Variants in KDM4C observed in about 807,000 individuals in gnomAD.
KDM4C encodes the protein lysine-specific demethylase 4C.
In KDM4C, 81 loss-of-function variants were observed where a neutral mutation model predicts 129.3. The observed-to-expected ratio is 0.63, with a 90% confidence interval of 0.52 to 0.75. The LOEUF (loss-of-function observed/expected upper bound fraction) is 0.75, where lower values mean the gene tolerates loss of function less well. Ranked by LOEUF, KDM4C falls within the 30% of genes least tolerant of loss-of-function variation. The pLI is 0.00. For synonymous variants in KDM4C, 573 were observed against 456.1 expected, an observed-to-expected ratio of 1.26 and a Z score of -3.26; for missense variants, 1,457 against 1,304.0, an observed-to-expected ratio of 1.12 and a Z score of -1.81.
intron 11 of KDM4C, among the ~76,000 whole-genome samples, chr9:6,988,991 C>T (rs181167449): frequency 1.3e-5 from 2 of 152,098 alleles, no homozygotes; most frequent in Non-Finnish European, 2.9e-5. Context: ...TTCCCTTACC[C>T]CTCTATAATC....
In KDM4C at chr9:6,849,558, G is replaced by A. The variant is rs1195814967; in HGVS notation, c.487G>A (p.Glu163Lys). The A allele has an allele frequency of 6.2e-7, 1 of 1,613,354 alleles. No homozygotes were observed. Among genetic ancestry groups the A allele is most frequent in the Non-Finnish European group, 8.5e-7 (1 of 1,179,546 alleles). ...CCTCAATACAGTCTTGGATGTGGTT[G>A]AAGAAGAGTGTGGCATTTCTATTGA... Reference protein sequence around the residue: ...ARLNTVLDVVEEECGISIEGV... With the variant: ...ARLNTVLDVVKEECGISIEGV... Residue 163 changes from glutamate to lysine, a missense_variant, in exon 5 of 22, where the codon GAA (glutamate) becomes AAA (lysine). Transcript: ENST00000381309.
intron 17 of KDM4C, among the ~76,000 whole-genome samples, chr9:7,083,914 A>G (rs563647074): frequency 6.6e-6 from 1 of 152,182 alleles, no homozygotes; most frequent in Non-Finnish European, 1.5e-5. Flanking sequence ...CAAAGATCCT[A>G]TGAGTAAAAA....
At chr9:6,919,824 C>T (rs1156480080) in intron 8 of KDM4C, among the ~76,000 whole-genome samples, 2 of 152,130 alleles carry the variant, frequency 1.3e-5, no homozygotes, top group Non-Finnish European at 2.9e-5. Context: ...ATCCACCTGC[C>T]TTGGCCCCCC....
intron 1 of KDM4C, among the ~76,000 whole-genome samples, chr9:6,733,045 G>T (rs1817405237): frequency 6.6e-6 from 1 of 152,136 alleles, no homozygotes; most frequent in African/African-American, 2.4e-5. Context: ...CCACCACGTG[G>T]TTACAAGGTC....
chr9:7,090,617 T>G (rs1336200137), intron 17 of KDM4C, among the ~76,000 whole-genome samples: 1 of 152,176 alleles, frequency 6.6e-6, no homozygotes, highest in Non-Finnish European at 1.5e-5. Context: ...AGGAATGACT[T>G]TGGAATGGAC....
intron 3 of KDM4C, among the ~76,000 whole-genome samples, chr9:6,809,732 C>T (rs893702246): frequency 2.6e-5 from 4 of 152,260 alleles, no homozygotes; most frequent in African/African-American, 9.6e-5. Flanking sequence ...GTTGTGGTGG[C>T]TCACACTTGT....
At chr9:6,958,448 A>C (rs1385350180) in intron 8 of KDM4C, among the ~76,000 whole-genome samples, 1 of 151,996 alleles carries the variant, frequency 6.6e-6, no homozygotes, top group Non-Finnish European at 1.5e-5. Context: ...TTAGCTGGGC[A>C]TGGTGGCATG....
chr9:6,829,705 G>T (rs1292009934), intron 4 of KDM4C, among the ~76,000 whole-genome samples: 1 of 152,162 alleles, frequency 6.6e-6, no homozygotes, highest in Non-Finnish European at 1.5e-5. Flanking sequence ...ATACTCTGGA[G>T]CTCTTCTTGT....
At chr9:6,781,522 C>A (rs1413539556) in intron 1 of KDM4C, among the ~76,000 whole-genome samples, 1 of 152,010 alleles carries the variant, frequency 6.6e-6, no homozygotes, top group Non-Finnish European at 1.5e-5. Flanking sequence ...ATAGCTATAG[C>A]CATAAACCAT....
intron 12 of KDM4C, 42 bp downstream of exon 12, chr9:6,990,566 G>C (rs1478175339): frequency 1.2e-6 from 1 of 855,288 alleles, no homozygotes; most frequent in African/African-American, 2.4e-5. Flanking sequence ...TTTTTTTTTT[G>C]GTGTGTAAAA....
chr9:6,789,158 T>C (rs1826045318), intron 1 of KDM4C, among the ~76,000 whole-genome samples: 1 of 149,626 alleles, frequency 6.7e-6, no homozygotes, highest in Non-Finnish European at 1.5e-5. Context: ...GGTAAAGCAG[T>C]CCTCCCGTCT....
intron 15 of KDM4C, among the ~76,000 whole-genome samples, chr9:7,025,342 A>C (rs1226973179): frequency 6.6e-6 from 1 of 151,882 alleles, no homozygotes; most frequent in Admixed American, 6.6e-5. Flanking sequence ...TTGATTTGAG[A>C]GTTTAGTGCG....
intron 2 of KDM4C, among the ~76,000 whole-genome samples, chr9:6,804,382 C>T (rs1201626168): frequency 1.3e-5 from 2 of 152,188 alleles, no homozygotes; most frequent in Non-Finnish European, 2.9e-5. Flanking sequence ...ATCAAGGTTT[C>T]CTCCACCTTT....
At chr9:6,835,455 C>G (rs1669547737) in intron 4 of KDM4C, 1 of 1,247,974 alleles carries the variant, frequency 8.0e-7, no homozygotes, top group African/African-American at 1.5e-5. Context: ...CTCCTGAGCT[C>G]AAGCACTCTG....
intron 1 of KDM4C, among the ~76,000 whole-genome samples, chr9:6,772,227 G>A (rs1821995664): frequency 6.6e-6 from 1 of 152,022 alleles, no homozygotes; most frequent in African/African-American, 2.4e-5. Flanking sequence ...TCGGCTCACT[G>A]CAAGCTCCGC....
At chr9:7,102,932 A>G (rs1405809046) in intron 17 of KDM4C, among the ~76,000 whole-genome samples, 2 of 152,202 alleles carry the variant, frequency 1.3e-5, no homozygotes, top group East Asian at 1.9e-4. Context: ...CTCTCATAAC[A>G]AATGTACTGA....
chr9:7,034,977 T>C (rs1250335511), intron 15 of KDM4C, among the ~76,000 whole-genome samples: 3 of 152,194 alleles, frequency 2.0e-5, no homozygotes, highest in South Asian at 2.1e-4. Context: ...TTTTGTGAAA[T>C]GTATGTTCAG....
chr9:6,991,593 A>T (rs1165407690), intron 12 of KDM4C, among the ~76,000 whole-genome samples: 2 of 152,164 alleles, frequency 1.3e-5, no homozygotes. Flanking sequence ...ATTATTACCT[A>T]AGGTCATGTG....
chr9:6,856,584 T>TATA (rs1564171899), intron 5 of KDM4C, among the ~76,000 whole-genome samples: 204 of 103,530 alleles, frequency 2.0e-3, no homozygotes, highest in African/African-American at 7.4e-3. Context: ...GTGTGTGTAT[T>TATA]TTTTTTTGAG....
Sources: allele counts gnomAD v4.1 joint callset (sites outside exome capture counted in the v4.1 genomes callset), GRCh38; gene constraint gnomAD v4.1.1; transcripts MANE v1.5; gene names NCBI Gene and HGNC (gene_info 2026-07-23, HGNC 2026-07-21).